MAEA: variants seen among roughly 807,000 people sequenced by gnomAD.
MAEA encodes E3 ubiquitin-protein transferase MAEA.
MAEA carries 22 observed loss-of-function variants against 46.2 expected under a neutral mutation model. The observed-to-expected ratio is 0.48, with a 90% CI of 0.34 to 0.68. The LOEUF is 0.68. Among genes scored for constraint, MAEA ranks in the 30% least tolerant of loss-of-function variants. The pLI, the probability that MAEA is intolerant of heterozygous loss-of-function variation, is 0.01. For missense variants in MAEA, 393 were observed against 558.1 expected, an observed-to-expected ratio of 0.70 and a Z score of 2.98; for synonymous variants, 246 against 222.6, an observed-to-expected ratio of 1.11 and a Z score of -0.94.
At chr4:1,322,238 G>A (rs1444410445) in intron 3 of MAEA, 143 bp from the exon 4 acceptor site, 4 of 1,170,444 alleles carry the variant, frequency 3.4e-6, no homozygotes, top group Middle Eastern at 4.5e-4. Context: ...TAGTCCACGA[G>A]TGCAGACCCA....
At chr4:1,316,814 A>T (rs1433324713) in intron 3 of MAEA, among the ~76,000 whole-genome samples, 1 of 151,420 alleles carries the variant, frequency 6.6e-6, no homozygotes, top group African/African-American at 2.4e-5. Context: ...ATGGGGCCAC[A>T]CTCACGCCCC....
At chr4:1,325,428 A>G (rs1738680856) in intron 4 of MAEA, among the ~76,000 whole-genome samples, 1 of 152,198 alleles carries the variant, frequency 6.6e-6, no homozygotes, top group African/African-American at 2.4e-5. Flanking sequence ...GGGTCTGAAT[A>G]CCTAAGTTTC....
chr4:1,298,074 A>G (rs1231262316), intron 1 of MAEA: 1 of 456,290 alleles, frequency 2.2e-6, no homozygotes, highest in East Asian at 6.9e-5. Context: ...GCCTGGCAGC[A>G]TAGCCATGCT....
intron 1 of MAEA, chr4:1,310,030 G>A: frequency 8.5e-7 from 1 of 1,171,522 alleles, no homozygotes; most frequent in Non-Finnish European, 1.1e-6. Flanking sequence ...CTCCGCGCGA[G>A]CGAGGGTGGT....
chr4:1,322,245 C>T, intron 3 of MAEA, 136 bp from the exon 4 acceptor site: 3 of 1,242,962 alleles, frequency 2.4e-6, no homozygotes, highest in East Asian at 2.4e-5. Flanking sequence ...CGAGTGCAGA[C>T]CCACAGTGTG....
At chr4:1,293,837 A>G (rs1003693429) in intron 1 of MAEA, among the ~76,000 whole-genome samples, 8 of 128,730 alleles carry the variant, frequency 6.2e-5, no homozygotes, top group African/African-American at 9.9e-5. Context: ...CATGGCCCTG[A>G]TGCCTCACAG....
At chr4:1,295,085 G>A (rs988268453) in intron 1 of MAEA, among the ~76,000 whole-genome samples, 2 of 152,132 alleles carry the variant, frequency 1.3e-5, no homozygotes, top group African/African-American at 4.8e-5. Context: ...AGAATGGGAA[G>A]CAAGCCCAAG....
At chr4:1,335,175 C>T (rs945579414) in intron 6 of MAEA, 4 of 985,354 alleles carry the variant, frequency 4.1e-6, no homozygotes, top group Admixed American at 6.1e-5. Context: ...ATTTTCTGTT[C>T]TGTGATGCTT....
intron 7 of MAEA, chr4:1,337,856 C>T (rs1198089579): frequency 7.0e-5 from 12 of 172,238 alleles, no homozygotes; most frequent in Non-Finnish European, 1.4e-4. Context: ...GTGACTGACT[C>T]TGTCCCCACC....
chr4:1,331,179 A>T (rs1711745280), intron 5 of MAEA: 1 of 149,782 alleles, frequency 6.7e-6, no homozygotes, highest in African/African-American at 2.5e-5. Flanking sequence ...CGCTCCAAGG[A>T]GGGGGATGCA....
chr4:1,309,344 T>C (rs1005247506), intron 1 of MAEA: 2 of 1,001,536 alleles, frequency 2.0e-6, no homozygotes, highest in Non-Finnish European at 2.5e-6. Flanking sequence ...GTGAAGGGGC[T>C]CTTGCTAACC....
intron 4 of MAEA, among the ~76,000 whole-genome samples, chr4:1,324,365 T>C (rs1738534381): frequency 6.6e-6 from 1 of 151,010 alleles, no homozygotes; most frequent in Non-Finnish European, 1.5e-5. Flanking sequence ...CGAGTGTGTC[T>C]GGTGTTGGAT....
chr4:1,322,455 C>T lies in MAEA; in HGVS notation c.531C>T (p.Thr177=), dbSNP rs753964741. 6.2e-7 allele frequency: 1 copy of T among 1,614,030 alleles called. No homozygotes were observed. Among genetic ancestry groups the T allele is most frequent in the Non-Finnish European group, 8.5e-7 (1 of 1,180,028 alleles). The change falls in exon 4 of 9, where the codon ACC becomes ACT. Residue 177 remains threonine (T), a synonymous_variant. Coordinates refer to ENST00000303400, the MANE Select transcript of MAEA (RefSeq NM_001017405.3). ...EESLERRETA[T]CLAWCHDNKS... ...CCCTGGAGAGGCGTGAGACGGCCAC[C>T]TGCCTGGCCTGGTGCCATGACAACA...
chr4:1,313,173 G>C (rs555175199), intron 2 of MAEA, among the ~76,000 whole-genome samples: 22 of 152,366 alleles, frequency 1.4e-4, no homozygotes, highest in Non-Finnish European at 2.8e-4. Flanking sequence ...CTCCGGTGAG[G>C]TGGTCCCGGC....
At chr4:1,322,590 G>A in intron 4 of MAEA, 87 bp downstream of exon 4, 1 of 1,542,408 alleles carries the variant, frequency 6.5e-7, no homozygotes. Flanking sequence ...TTGCCTGGTG[G>A]TTCACAGTAG....
chr4:1,334,801 A>G (rs1271691544), intron 6 of MAEA: 1 of 903,078 alleles, frequency 1.1e-6, no homozygotes, highest in Non-Finnish European at 1.3e-6. Context: ...CCCAGAGGCA[A>G]CCAGTCCTGG....
chr4:1,327,796 ACGTCCCC>A, intron 5 of MAEA, 93 bp downstream of exon 5: 1 of 954,316 alleles, frequency 1.0e-6, no homozygotes, highest in South Asian at 1.7e-5. Flanking sequence ...GGGTCCTGGG[ACGTCCCC>A]TGGGTCGTCC....
At chr4:1,323,621 C>T (rs746386768) in intron 4 of MAEA, 57 of 702,470 alleles carry the variant, frequency 8.1e-5, no homozygotes, top group African/African-American at 7.1e-4. Flanking sequence ...ATGTAACCTG[C>T]GGCCCCACTA....
At position 1,315,496 on chromosome 4, in the gene MAEA, A is replaced by G. The variant is rs1450819397; in HGVS notation, c.352A>G (p.Ser118Gly). Residue 118 changes from serine to glycine, a missense_variant, in exon 3 of 9, where the codon AGC (serine) becomes GGC (glycine). Around this residue, in one of 2 missense-constraint regions of MAEA, gnomAD observed 358 missense variants for 537.9 expected, o/e 0.67. Coordinates refer to ENST00000303400, the MANE Select transcript of MAEA (RefSeq NM_001017405.3). ...EHSSDQPAAA[S>G]VWKRKRMDRM... Reference sequence around the variant, plus strand: ...TAGCAGCGACCAGCCCGCGGCGGCCAGCGTGTGGAAGAGGAAGCGCATGGA... The same window carrying G: ...TAGCAGCGACCAGCCCGCGGCGGCCGGCGTGTGGAAGAGGAAGCGCATGGA... 6.2e-7 allele frequency: 1 copy of G among 1,613,906 alleles called. No individual in the cohort carries two copies. The highest frequency in any genetic ancestry group is 1.7e-5 in the Admixed American group (1 of 60,010).
Sources: gnomAD v4.1 joint callset for allele counts (sites outside exome capture counted in the v4.1 genomes callset) on GRCh38, gnomAD v4.1.1 for gene constraint, gnomAD v4.1.1 regional missense constraint, MANE v1.5 for transcripts, NCBI Gene and HGNC (gene_info 2026-07-23, HGNC 2026-07-21) for gene names.